Variants in VRK2 observed in about 807,000 individuals in gnomAD.
VRK2 encodes VRK serine/threonine kinase 2.
In VRK2, 60 loss-of-function variants were observed where a neutral mutation model predicts 57.6. The ratio of observed to expected loss-of-function variants is 1.04; its 90% CI spans 0.85 to 1.29. VRK2 has a LOEUF of 1.29. Ranked by LOEUF, VRK2 falls within the 50% of genes most tolerant of loss-of-function variation. The probability of loss-of-function intolerance (pLI) is 0.00; values close to 1 mark genes in which losing one functional copy is unlikely to be tolerated. For missense variants in VRK2, 705 were observed against 588.1 expected, an observed-to-expected ratio of 1.20 and a Z score of -2.06; for synonymous variants, 231 against 199.2, an observed-to-expected ratio of 1.16 and a Z score of -1.35.
chr2:58,122,971 G>A (rs1677747240), intron 7 of VRK2, 130 bp from the exon 8 acceptor site: 1 of 1,151,926 alleles, frequency 8.7e-7, no homozygotes. Flanking sequence ...TTTATCCTAA[G>A]GCACCATTTG....
chr2:58,011,815 C>T (rs1247057182), intron 1 of VRK2, among the ~76,000 whole-genome samples: 2 of 152,256 alleles, frequency 1.3e-5, no homozygotes, highest in East Asian at 3.9e-4. Context: ...ATTATCTGAA[C>T]TAAATATCAC....
chr2:57,938,045 T>A (rs1024544955), intron 1 of VRK2, among the ~76,000 whole-genome samples: 1 of 152,128 alleles, frequency 6.6e-6, no homozygotes, highest in African/African-American at 2.4e-5. Context: ...TTGGCCAGGC[T>A]GATTTCGAAC....
intron 1 of VRK2, among the ~76,000 whole-genome samples, chr2:58,047,904 CTTTACA>C (rs1675103402): frequency 6.6e-6 from 1 of 152,162 alleles, no homozygotes; most frequent in African/African-American, 2.4e-5. Context: ...ATTAAGAAAA[CTTTACA>C]TTTACGTATA....
At chr2:58,064,068 G>A (rs1362726437) in intron 2 of VRK2, among the ~76,000 whole-genome samples, 1 of 152,090 alleles carries the variant, frequency 6.6e-6, no homozygotes, top group East Asian at 1.9e-4. Context: ...TAATTCATGA[G>A]GAGTTGCTTC....
intron 2 of VRK2, among the ~76,000 whole-genome samples, chr2:58,061,247 T>A (rs1249077319): frequency 6.6e-6 from 1 of 151,812 alleles, no homozygotes; most frequent in African/African-American, 2.4e-5. Flanking sequence ...ATTTAGTTAA[T>A]AATAATAAAA....
intron 1 of VRK2, 133 bp downstream of exon 1, chr2:58,047,001 G>A: frequency 3.1e-6 from 3 of 983,144 alleles, no homozygotes; most frequent in Middle Eastern, 5.2e-4. Context: ...CAGCCCCCGG[G>A]CCTCAGCTCC....
intron 1 of VRK2, among the ~76,000 whole-genome samples, chr2:57,945,449 C>G (rs1671232484): frequency 1.3e-5 from 2 of 152,084 alleles, no homozygotes; most frequent in African/African-American, 2.4e-5. Context: ...TGAGAAAATA[C>G]AAAGCAGAGC....
chr2:58,097,345 A>G (rs185277975), intron 7 of VRK2, among the ~76,000 whole-genome samples: 1 of 151,716 alleles, frequency 6.6e-6, no homozygotes, highest in Non-Finnish European at 1.5e-5. Context: ...TATTTGGTAT[A>G]CATTTGTCAC....
chr2:58,121,485 A>T (rs557970005), intron 7 of VRK2, among the ~76,000 whole-genome samples: 16 of 152,290 alleles, frequency 1.1e-4, no homozygotes, highest in African/African-American at 3.8e-4. Context: ...GGGCAGAGAG[A>T]TCAATTACTT....
rs975739967 is a variant in VRK2 at position 58,123,022 on chromosome 2, A to T, written c.544-79A>T. 16 of 1,501,832 alleles carry T rather than the reference A, an allele frequency of 1.1e-5. No homozygotes were observed. The African/African-American group carries it at 2.2e-4, about 20-fold the overall frequency. 93.0% of individuals were successfully genotyped at this position (1,501,832 alleles called of 1,614,324 possible). A position where few individuals can be genotyped will look rare whatever the true frequency, so the allele number is the denominator to read the frequency against. On this transcript the variant is annotated intron_variant, in intron 7 of 12. Transcript: ENST00000340157. Reference sequence around the variant, plus strand: ...GATCTGAGGCTGTTCTTAACCTATCAGTTTCTTAAGACTTAATTATAAAGG... The same window carrying T: ...GATCTGAGGCTGTTCTTAACCTATCTGTTTCTTAAGACTTAATTATAAAGG...
At chr2:57,975,124 A>C (rs569237646) in intron 1 of VRK2, among the ~76,000 whole-genome samples, 7 of 152,138 alleles carry the variant, frequency 4.6e-5, no homozygotes, top group Admixed American at 3.3e-4. Context: ...GACAACCCTT[A>C]ACATTTTTAA....
intron 2 of VRK2, among the ~76,000 whole-genome samples, chr2:58,067,287 G>C (rs1668737993): frequency 6.6e-6 from 1 of 152,112 alleles, no homozygotes; most frequent in Non-Finnish European, 1.5e-5. Context: ...CAGACGGCCT[G>C]TTGTGAGACT....
intron 1 of VRK2, among the ~76,000 whole-genome samples, chr2:57,927,367 C>G (rs1670574353): frequency 6.6e-6 from 1 of 150,974 alleles, no homozygotes; most frequent in Non-Finnish European, 1.5e-5. Flanking sequence ...ACCTTTGCCT[C>G]TCGGGTTGAA....
intron 2 of VRK2, among the ~76,000 whole-genome samples, chr2:58,061,973 A>C (rs1450551373): frequency 6.6e-6 from 1 of 152,014 alleles, no homozygotes; most frequent in East Asian, 1.9e-4. Flanking sequence ...GTCTTATTGC[A>C]CATCACTTTA....
At chr2:58,158,127 A>C (rs1163015354) in intron 12 of VRK2, among the ~76,000 whole-genome samples, 1 of 152,098 alleles carries the variant, frequency 6.6e-6, no homozygotes, top group African/African-American at 2.4e-5. Context: ...CTAAGTGGAG[A>C]TATCTCCCAG....
At chr2:58,097,549 A>T (rs946936756) in intron 7 of VRK2, among the ~76,000 whole-genome samples, 3 of 152,130 alleles carry the variant, frequency 2.0e-5, no homozygotes, top group African/African-American at 4.8e-5. Flanking sequence ...TAAATTAAAA[A>T]TTAAAATTTA....
chr2:58,063,002 CTCT>C (rs1558583597), intron 2 of VRK2, among the ~76,000 whole-genome samples: 2 of 152,188 alleles, frequency 1.3e-5, no homozygotes, highest in African/African-American at 4.8e-5. Context: ...CAGGATGCCT[CTCT>C]TCTTATGGGC....
At chr2:57,969,335 A>G (rs1367415300) in intron 1 of VRK2, among the ~76,000 whole-genome samples, 2 of 152,112 alleles carry the variant, frequency 1.3e-5, no homozygotes, top group Non-Finnish European at 2.9e-5. Flanking sequence ...AAGAAAATAA[A>G]TATGTTTAAA....
chr2:58,118,554 G>A (rs1212983646), intron 7 of VRK2, among the ~76,000 whole-genome samples: 1 of 152,250 alleles, frequency 6.6e-6, no homozygotes, highest in African/African-American at 2.4e-5. Flanking sequence ...CCGCTTACCG[G>A]ATTTGAAATT....
Sources: allele counts gnomAD v4.1 joint callset (sites outside exome capture counted in the v4.1 genomes callset), GRCh38; gene constraint gnomAD v4.1.1; transcripts MANE v1.5; gene names NCBI Gene and HGNC (gene_info 2026-07-23, HGNC 2026-07-21).